STARD13: variants seen among roughly 807,000 people sequenced by gnomAD.
STARD13 encodes the protein stAR-related lipid transfer protein 13.
Under a neutral mutation model 106.4 loss-of-function variants are expected in STARD13, and 62 were observed. The observed-to-expected ratio is 0.58, with a 90% confidence interval of 0.48 to 0.72. The LOEUF is 0.72. STARD13 is among the 30% of genes least tolerant of loss of function. The pLI is 0.00. For missense variants in STARD13, 1,387 were observed against 1,424.0 expected (o/e 0.97, Z 0.42); for synonymous variants, 565 against 553.0 (o/e 1.02, Z -0.31).
At chr13:33,555,310 A>AGAGCTTGCTGG in the STARD13 span, among the ~76,000 whole-genome samples, 1 of 152,228 alleles carries the variant, frequency 6.6e-6, no homozygotes, top group African/African-American at 2.4e-5. Flanking sequence ...GCTGGGCTTC[A>AGAGCTTGCTGG]GCAAAGCTTC....
chr13:33,434,028 A>G, the STARD13 span, among the ~76,000 whole-genome samples: 33 of 152,324 alleles, frequency 2.2e-4, no homozygotes, highest in Non-Finnish European at 4.7e-4. Context: ...TTTGGAGAGT[A>G]TTTGTTTAGT....
At chr13:33,391,118 A>T in the STARD13 span, among the ~76,000 whole-genome samples, 7 of 152,162 alleles carry the variant, frequency 4.6e-5, no homozygotes, top group African/African-American at 1.4e-4. Flanking sequence ...TTGTTAAGAA[A>T]ATTCACCAAG....
At chr13:33,120,139 T>A (rs1876046026) in intron 7 of STARD13, among the ~76,000 whole-genome samples, 1 of 152,270 alleles carries the variant, frequency 6.6e-6, no homozygotes, top group Non-Finnish European at 1.5e-5. Flanking sequence ...TATCCTCATA[T>A]GAGCAGGTAT....
chr13:33,620,238 A>C, the STARD13 span, among the ~76,000 whole-genome samples: 1 of 152,194 alleles, frequency 6.6e-6, no homozygotes, highest in African/African-American at 2.4e-5. Context: ...TTGACATTCA[A>C]AAAACAGTAT....
rs553581363 is a variant in STARD13, at chr13:33,250,385, T to C, written c.169+35085A>G. Among the ~76,000 whole-genome samples, 5 of 152,310 alleles carry C rather than the reference T, an allele frequency of 3.3e-5. No homozygotes were observed. In the South Asian group the frequency reaches 1.0e-3, roughly 32 times the overall value. ...CTCTCACCTTCTACCAAGGGAAATA[T>C]ATAATTCTGGAGAATTTTATTCTCG... On this transcript the variant is annotated intron_variant, in intron 1 of 13. Transcript: ENST00000336934.
chr13:33,317,080 C>G (rs971716844), intron 1 of STARD13, among the ~76,000 whole-genome samples: 6 of 152,110 alleles, frequency 3.9e-5, no homozygotes, highest in Admixed American at 2.0e-4. Context: ...GGTGGTGCCT[C>G]AGGGCTCATT....
At chr13:33,225,874 T>C (rs1416894006) in intron 1 of STARD13, among the ~76,000 whole-genome samples, 4 of 152,234 alleles carry the variant, frequency 2.6e-5, no homozygotes, top group Non-Finnish European at 4.4e-5. Flanking sequence ...AGCTCTGATA[T>C]GGACTGAAGT....
chr13:33,634,229 A>G, the STARD13 span, among the ~76,000 whole-genome samples: 66 of 152,212 alleles, frequency 4.3e-4, 1 homozygote, highest in African/African-American at 1.5e-3. Flanking sequence ...GAGTGGCATC[A>G]TAGCATCTGA....
At chr13:33,616,394 C>G in the STARD13 span, among the ~76,000 whole-genome samples, 9 of 152,224 alleles carry the variant, frequency 5.9e-5, no homozygotes, top group African/African-American at 2.2e-4. Flanking sequence ...TAGTAGTCAG[C>G]AAGAAGCAGA....
intron 1 of STARD13, among the ~76,000 whole-genome samples, chr13:33,220,203 A>C (rs1888278006): frequency 6.6e-6 from 1 of 152,164 alleles, no homozygotes; most frequent in East Asian, 1.9e-4. Flanking sequence ...AAACTAGCTG[A>C]TATAGCAAAC....
At chr13:33,177,112 GAATTT>G (rs1194891032) in intron 1 of STARD13, among the ~76,000 whole-genome samples, 3 of 152,148 alleles carry the variant, frequency 2.0e-5, no homozygotes, top group Admixed American at 1.3e-4. Context: ...AATATGAATA[GAATTT>G]AATTCCCTGG....
intron 3 of STARD13, 28 bp downstream of exon 3, chr13:33,165,309 A>G: frequency 6.4e-7 from 1 of 1,563,920 alleles, no homozygotes; most frequent in Non-Finnish European, 8.8e-7. Flanking sequence ...AACAGTGGAA[A>G]GAAACAAAAA....
the STARD13 span, among the ~76,000 whole-genome samples, chr13:33,455,433 G>C: frequency 7.9e-5 from 12 of 152,276 alleles, no homozygotes; most frequent in Admixed American, 2.0e-4. Flanking sequence ...TTTACACCCA[G>C]AAGTGAAGCC....
chr13:33,113,894 C>G (rs1874981569), intron 8 of STARD13, among the ~76,000 whole-genome samples: 1 of 152,172 alleles, frequency 6.6e-6, no homozygotes, highest in Admixed American at 6.5e-5. Context: ...CTTTAGTCCT[C>G]TCACTGCGAA....
At chr13:33,258,137 A>G (rs1470852536) in intron 1 of STARD13, among the ~76,000 whole-genome samples, 2 of 152,214 alleles carry the variant, frequency 1.3e-5, no homozygotes, top group African/African-American at 4.8e-5. Context: ...CCTCATTTGC[A>G]AATCTCCTTC....
chr13:33,110,873 G>C lies in STARD13; in HGVS notation c.2642C>G (p.Ser881Trp), dbSNP rs1874442115. The part of the protein sequence containing the change: ...PHELVAQSRN[S>W]YVEAEIHVPT... The stretch of plus-strand genomic sequence containing the variant: ...CACGTGGATCTCAGCCTCCACATAC[G>C]AGTTACGAGACTGGGCCACCAACTC... Residue 881 changes from serine to tryptophan, a missense_variant, in exon 11 of 14, where the codon TCG becomes TGG. Ser to Trp is a radical substitution (Grantham distance 177). Transcript: ENST00000336934. 1 of 1,613,434 alleles carries C rather than the reference G, an allele frequency of 6.2e-7. No individual in the cohort carries two copies. Among genetic ancestry groups the C allele is most frequent in the African/African-American group, 1.3e-5 (1 of 74,882 alleles).
the STARD13 span, among the ~76,000 whole-genome samples, chr13:33,484,014 G>A: frequency 7.9e-5 from 12 of 152,070 alleles, no homozygotes; most frequent in South Asian, 2.1e-4. Flanking sequence ...ATTCCAATAC[G>A]GTGGGTTCAA....
intron 4 of STARD13, among the ~76,000 whole-genome samples, chr13:33,131,164 C>T (rs1878231792): frequency 1.3e-5 from 2 of 152,334 alleles, no homozygotes; most frequent in East Asian, 1.9e-4. Flanking sequence ...TTGGGCCCAG[C>T]GCAGACCTTG....
the STARD13 span, among the ~76,000 whole-genome samples, chr13:33,655,218 AAAC>A: frequency 6.6e-6 from 1 of 152,246 alleles, no homozygotes; most frequent in Admixed American, 6.5e-5. Flanking sequence ...GGATGGGCAT[AAAC>A]AACAATAATA....
Sources: allele counts gnomAD v4.1 joint callset (sites outside exome capture counted in the v4.1 genomes callset), GRCh38; gene constraint gnomAD v4.1.1; transcripts MANE v1.5; gene names NCBI Gene and HGNC (gene_info 2026-07-23, HGNC 2026-07-21).